EFCAB6: variants seen among roughly 807,000 people sequenced by gnomAD.
The protein encoded by EFCAB6 is EF-hand calcium binding domain 6.
EFCAB6 carries 156 observed loss-of-function variants against 169.8 expected under a neutral mutation model. The observed-to-expected ratio is 0.92, with a 90% CI of 0.81 to 1.05. EFCAB6 has a LOEUF of 1.05. Ranked by LOEUF, EFCAB6 falls within the 50% of genes least tolerant of loss-of-function variation. The pLI is 0.00. For synonymous variants in EFCAB6, 698 were observed against 676.4 expected (o/e 1.03, Z -0.50); for missense variants, 1,800 against 1,829.1 (o/e 0.98, Z 0.29).
intron 9 of EFCAB6, 151 bp from the exon 10 acceptor site, chr22:43,711,774 T>C: frequency 1.1e-6 from 1 of 869,748 alleles, no homozygotes; most frequent in Non-Finnish European, 1.6e-6. Flanking sequence ...ACTTCAAATG[T>C]TTAATTGATG....
At position 43,790,620 on chromosome 22, in the gene EFCAB6, G is replaced by A. The variant is rs528217916; in HGVS notation, c.-7-8295C>T. Among the ~76,000 whole-genome samples, 95 of 152,334 alleles carry A rather than the reference G, an allele frequency of 6.2e-4. 1 individual carries two copies. The South Asian group carries it at 7.9e-3, about 13-fold the overall frequency. On this transcript the variant is annotated intron_variant, in intron 2 of 31. Coordinates refer to ENST00000262726, the MANE Select transcript of EFCAB6 (RefSeq NM_022785.4). ...CGGCCAGATGAAGGACAGCCTTGCA[G>A]GCCAGTGTGAGGCTTGGCTCTTATT...
chr22:43,761,133 C>T (rs1299932994), intron 5 of EFCAB6, among the ~76,000 whole-genome samples: 1 of 152,198 alleles, frequency 6.6e-6, no homozygotes, highest in African/African-American at 2.4e-5. Context: ...TACTCTCTTG[C>T]CCTTCCTCCT....
chr22:43,612,374 G>A (rs1392248165), intron 21 of EFCAB6, among the ~76,000 whole-genome samples: 1 of 152,240 alleles, frequency 6.6e-6, no homozygotes, highest in East Asian at 1.9e-4. Context: ...AGAATGTGAG[G>A]AAAATTTGCA....
intron 20 of EFCAB6, 81 bp from the exon 21 acceptor site, chr22:43,616,003 CT>C: frequency 2.5e-6 from 3 of 1,184,594 alleles, no homozygotes; most frequent in Non-Finnish European, 3.5e-6. Context: ...CCTATCCCCC[CT>C]GTTTGTTTCA....
At chr22:43,653,251 A>G in intron 17 of EFCAB6, among the ~76,000 whole-genome samples, 1 of 152,176 alleles carries the variant, frequency 6.6e-6, no homozygotes, top group East Asian at 1.9e-4. Context: ...TCATATAAAG[A>G]AAGCTGCATT....
intron 17 of EFCAB6, among the ~76,000 whole-genome samples, chr22:43,651,539 C>A (rs913349389): frequency 5.3e-5 from 8 of 152,244 alleles, no homozygotes; most frequent in African/African-American, 1.7e-4. Flanking sequence ...AGGGCCCCCA[C>A]ACAGAGTCCC....
intron 17 of EFCAB6, among the ~76,000 whole-genome samples, chr22:43,656,981 G>A (rs1299522302): frequency 6.6e-6 from 1 of 152,206 alleles, no homozygotes; most frequent in East Asian, 1.9e-4. Context: ...CTTTTCCAGT[G>A]TTTATGAGAC....
rs866860769 is a variant in EFCAB6, at chr22:43,630,366, G to T, written c.2232+1739C>A. Among the ~76,000 whole-genome samples, 18 of 152,284 alleles carry T rather than the reference G, an allele frequency of 1.2e-4. No individual in the cohort carries two copies. The Middle Eastern group carries it at 0.01, about 86-fold the overall frequency. ...ATAGAGTGGGTGTCGGTGATGGTCTGTTGAATGAATTCATTATTTAAAATA... is the reference window on the plus strand; with the variant it reads ...ATAGAGTGGGTGTCGGTGATGGTCTTTTGAATGAATTCATTATTTAAAATA... On this transcript the variant is annotated intron_variant, in intron 19 of 31. Coordinates refer to ENST00000262726, the MANE Select transcript of EFCAB6 (RefSeq NM_022785.4).
intron 17 of EFCAB6, among the ~76,000 whole-genome samples, chr22:43,659,827 G>A (rs1454279015): frequency 1.3e-5 from 2 of 152,200 alleles, no homozygotes; most frequent in Non-Finnish European, 2.9e-5. Flanking sequence ...GCCAAAGGGA[G>A]GAAGTGCTCT....
chr22:43,624,431 C>A (rs185926244), intron 20 of EFCAB6, among the ~76,000 whole-genome samples: 1 of 152,294 alleles, frequency 6.6e-6, no homozygotes, highest in East Asian at 1.9e-4. Context: ...CGCCCTCCTG[C>A]CCTCCTGGCC....
At chr22:43,811,146 G>T (rs867406314) in intron 1 of EFCAB6, among the ~76,000 whole-genome samples, 7 of 151,968 alleles carry the variant, frequency 4.6e-5, no homozygotes, top group Non-Finnish European at 8.8e-5. Context: ...TGGGCGTGGT[G>T]GCAGGCGCCT....
intron 6 of EFCAB6, among the ~76,000 whole-genome samples, chr22:43,754,554 GT>G (rs2060886865): frequency 6.6e-6 from 1 of 152,180 alleles, no homozygotes; most frequent in South Asian, 2.1e-4. Context: ...AACTGCCTGG[GT>G]TTCAACTCTT....
At chr22:43,602,930 T>C (rs754709671) in intron 22 of EFCAB6, among the ~76,000 whole-genome samples, 4 of 151,842 alleles carry the variant, frequency 2.6e-5, no homozygotes, top group Admixed American at 6.6e-5. Flanking sequence ...AGTTCCTAGG[T>C]CCATGTCTTA....
chr22:43,547,069 C>T (rs879629050), intron 27 of EFCAB6, among the ~76,000 whole-genome samples: 1 of 151,948 alleles, frequency 6.6e-6, no homozygotes, highest in Non-Finnish European at 1.5e-5. Flanking sequence ...AAGGGGACAC[C>T]AAATAAATGA....
intron 8 of EFCAB6, among the ~76,000 whole-genome samples, chr22:43,724,332 T>A (rs2059642492): frequency 6.6e-6 from 1 of 151,946 alleles, no homozygotes; most frequent in Non-Finnish European, 1.5e-5. Flanking sequence ...CTTGTCAGAA[T>A]GGTCTTTACT....
intron 24 of EFCAB6, among the ~76,000 whole-genome samples, chr22:43,585,429 A>G (rs2050999351): frequency 6.6e-6 from 1 of 152,304 alleles, no homozygotes; most frequent in East Asian, 1.9e-4. Flanking sequence ...AATGCAAAGA[A>G]AAAAAGAACG....
intron 2 of EFCAB6, among the ~76,000 whole-genome samples, chr22:43,791,209 AC>A (rs1456723566): frequency 6.6e-6 from 1 of 152,042 alleles, no homozygotes. Context: ...CCCTGTCACT[AC>A]AAAAATACAA....
rs2054696847 is a variant in EFCAB6, at chr22:43,628,587, C to A, written c.2233-1908G>T. 1.3e-5 allele frequency among the ~76,000 whole-genome samples: 2 copies of A among 152,162 alleles called. No homozygotes were observed. Among genetic ancestry groups the A allele is most frequent in the Non-Finnish European group, 2.9e-5 (2 of 68,032 alleles). On this transcript the variant is annotated intron_variant, in intron 19 of 31. Coordinates refer to ENST00000262726, the MANE Select transcript of EFCAB6 (RefSeq NM_022785.4). The surrounding 1 kb of genome is among the most constrained non-coding windows in gnomAD (Gnocchi z 4.8). ...CCAAGGCCTGGCCGTGGCCCACAAG[C>A]CTGTCTACACCCCCATCCCACCCGT...
chr22:43,730,723 G>C (rs1197814288), intron 8 of EFCAB6, among the ~76,000 whole-genome samples: 2 of 152,078 alleles, frequency 1.3e-5, no homozygotes. Flanking sequence ...CTTCCTTGTC[G>C]CACTGGCACC....
Sources: gnomAD v4.1 joint callset for allele counts (sites outside exome capture counted in the v4.1 genomes callset) on GRCh38, gnomAD v4.1.1 for gene constraint, Gnocchi (gnomAD v3.1) non-coding constraint, MANE v1.5 for transcripts, NCBI Gene and HGNC (gene_info 2026-07-23, HGNC 2026-07-21) for gene names.